Variants in TBC1D1 observed in about 807,000 individuals in gnomAD.
The protein encoded by TBC1D1 is TBC1 domain family member 1.
Under a neutral mutation model 125.6 loss-of-function variants are expected in TBC1D1, and 89 were observed. That is an observed-to-expected ratio of 0.71 (90% CI 0.60 to 0.85). The LOEUF is 0.85. Among genes scored for constraint, TBC1D1 ranks in the 40% least tolerant of loss-of-function variants. The probability of loss-of-function intolerance (pLI) is 0.00; values close to 1 mark genes in which losing one functional copy is unlikely to be tolerated. For missense variants in TBC1D1, 1,377 were observed against 1,469.2 expected (o/e 0.94, Z 1.03); for synonymous variants, 565 against 564.1 (o/e 1.00, Z -0.02).
chr4:38,008,681 C>G (rs1046960704), intron 2 of TBC1D1, among the ~76,000 whole-genome samples: 2 of 152,198 alleles, frequency 1.3e-5, no homozygotes, highest in Non-Finnish European at 2.9e-5. Context: ...CACTCCTTGG[C>G]AAGATGTAAC....
At chr4:37,902,736 A>G (rs1448936120) in intron 2 of TBC1D1, among the ~76,000 whole-genome samples, 1 of 152,286 alleles carries the variant, frequency 6.6e-6, no homozygotes, top group African/African-American at 2.4e-5. Context: ...TCAAAAATTC[A>G]AGAGAAATCA....
At chr4:37,992,557 C>T (rs1029979117) in intron 2 of TBC1D1, among the ~76,000 whole-genome samples, 5 of 147,312 alleles carry the variant, frequency 3.4e-5, no homozygotes, top group East Asian at 2.0e-4. Flanking sequence ...TGCAGTGGCG[C>T]GATCTTGGCT....
chr4:38,055,396 C>T (rs749474133), intron 12 of TBC1D1, among the ~76,000 whole-genome samples: 16 of 152,208 alleles, frequency 1.1e-4, no homozygotes, highest in Non-Finnish European at 1.8e-4. Flanking sequence ...TTAATTATGC[C>T]TGTTGCCACA....
intron 2 of TBC1D1, among the ~76,000 whole-genome samples, chr4:37,903,744 T>C (rs1369332412): frequency 3.3e-5 from 5 of 152,154 alleles, no homozygotes; most frequent in Non-Finnish European, 5.9e-5. Flanking sequence ...CAGGTACTGT[T>C]GGAGATGATA....
At chr4:38,067,672 C>T (rs1414840104) in intron 12 of TBC1D1, among the ~76,000 whole-genome samples, 8 of 152,322 alleles carry the variant, frequency 5.3e-5, no homozygotes, top group East Asian at 1.9e-4. Context: ...CTTCATTCTC[C>T]GTCAGAGAAA....
At chr4:38,011,034 A>G (rs993319505) in intron 2 of TBC1D1, among the ~76,000 whole-genome samples, 4 of 152,206 alleles carry the variant, frequency 2.6e-5, no homozygotes, top group Non-Finnish European at 5.9e-5. Context: ...ACGAGTGGAC[A>G]TTATGCCTTC....
intron 16 of TBC1D1, among the ~76,000 whole-genome samples, chr4:38,116,529 T>G (rs1311480044): frequency 6.6e-6 from 1 of 152,088 alleles, no homozygotes; most frequent in South Asian, 2.1e-4. Context: ...CATCTCCCTG[T>G]CTATTTTCTG....
chr4:37,913,081 T>C (rs1718952179), intron 2 of TBC1D1, among the ~76,000 whole-genome samples: 1 of 152,178 alleles, frequency 6.6e-6, no homozygotes, highest in African/African-American at 2.4e-5. Context: ...ATAGTGTAAT[T>C]AGGAAGTAGC....
rs1309108309 is a variant in TBC1D1, at chr4:38,137,623, G to T, written c.*288G>T. 5.8e-6 allele frequency: 2 copies of T among 346,080 alleles called. No homozygotes were observed. Among genetic ancestry groups the T allele is most frequent in the African/African-American group, 4.2e-5 (2 of 47,602 alleles). 21.4% of individuals were successfully genotyped at this position (346,080 alleles called of 1,614,324 possible). A position where few individuals can be genotyped will look rare whatever the true frequency, so the allele number is the denominator to read the frequency against. ...GAATAAATGCAACTTATGTTTTCTTGTTGGTTCCTTTTTGAGTGTCACTGT... is the reference window on the plus strand; with the variant it reads ...GAATAAATGCAACTTATGTTTTCTTTTTGGTTCCTTTTTGAGTGTCACTGT... On this transcript the variant is annotated 3_prime_UTR_variant, in exon 20 of 20. Transcript: ENST00000261439.
intron 12 of TBC1D1, among the ~76,000 whole-genome samples, chr4:38,059,340 G>A (rs1241590387): frequency 1.3e-5 from 2 of 152,160 alleles, no homozygotes; most frequent in Non-Finnish European, 2.9e-5. Context: ...CAAATACTAA[G>A]TAGGTCACGT....
At chr4:38,059,888 C>T (rs917409089) in intron 12 of TBC1D1, among the ~76,000 whole-genome samples, 1 of 152,142 alleles carries the variant, frequency 6.6e-6, no homozygotes. Context: ...CTGCCGCCCC[C>T]CAACAGGCTC....
At chr4:38,135,776 G>A (rs546197729) in intron 19 of TBC1D1, among the ~76,000 whole-genome samples, 1 of 152,190 alleles carries the variant, frequency 6.6e-6, no homozygotes, top group East Asian at 1.9e-4. Context: ...TAGACTTCGA[G>A]TCATGAATTT....
At chr4:37,954,889 C>CTTTTTTT (rs10691932) in intron 2 of TBC1D1, among the ~76,000 whole-genome samples, 7 of 109,442 alleles carry the variant, frequency 6.4e-5, no homozygotes, top group Admixed American at 2.4e-4. Context: ...TTGAAACAGT[C>CTTTTTTT]TTTTTTTTTT....
chr4:38,052,446 C>G (rs1750789625), intron 11 of TBC1D1, among the ~76,000 whole-genome samples: 1 of 151,376 alleles, frequency 6.6e-6, no homozygotes, highest in Non-Finnish European at 1.5e-5. Flanking sequence ...GTTCTCCTGC[C>G]TCAGCCTCCC....
chr4:38,030,803 C>G (rs867476540), intron 7 of TBC1D1, among the ~76,000 whole-genome samples: 1 of 152,040 alleles, frequency 6.6e-6, no homozygotes, highest in Non-Finnish European at 1.5e-5. Flanking sequence ...ATGTAATTAC[C>G]GTTGAAATTA....
intron 2 of TBC1D1, among the ~76,000 whole-genome samples, chr4:37,967,799 A>G (rs1386905564): frequency 6.6e-6 from 1 of 152,188 alleles, no homozygotes; most frequent in Non-Finnish European, 1.5e-5. Context: ...GAATTATAGC[A>G]AAATGTCTGA....
intron 2 of TBC1D1, among the ~76,000 whole-genome samples, chr4:37,968,526 G>A (rs1003989310): frequency 6.6e-6 from 1 of 152,130 alleles, no homozygotes; most frequent in Admixed American, 6.5e-5. Flanking sequence ...ATGTTGACAT[G>A]GATATATCAA....
intron 12 of TBC1D1, among the ~76,000 whole-genome samples, chr4:38,058,420 G>A (rs1025100199): frequency 6.6e-6 from 1 of 152,212 alleles, no homozygotes; most frequent in Non-Finnish European, 1.5e-5. Context: ...CTCCAGCCAA[G>A]CGTGCACAAG....
chr4:38,058,079 TGG>T (rs1380931445), intron 12 of TBC1D1, among the ~76,000 whole-genome samples: 4 of 152,240 alleles, frequency 2.6e-5, no homozygotes, highest in African/African-American at 9.6e-5. Flanking sequence ...AACATGTTTC[TGG>T]GCATTTTAAT....
Sources: allele counts gnomAD v4.1 joint callset (sites outside exome capture counted in the v4.1 genomes callset), GRCh38; gene constraint gnomAD v4.1.1; transcripts MANE v1.5; gene names NCBI Gene and HGNC (gene_info 2026-07-23, HGNC 2026-07-21).